The following VPS13B variants were observed in gnomAD, a reference collection of about 807,000 sequenced individuals.
VPS13B encodes the protein vacuolar protein sorting 13 homolog B.
VPS13B carries 285 observed loss-of-function variants against 426.4 expected under a neutral mutation model. The ratio of observed to expected loss-of-function variants is 0.67; its 90% confidence interval spans 0.61 to 0.74. The LOEUF (loss-of-function observed/expected upper bound fraction) is 0.74, where lower values mean the gene tolerates loss of function less well. VPS13B is among the 30% of genes least tolerant of loss of function. The probability of loss-of-function intolerance (pLI) is 0.00; values close to 1 mark genes in which losing one functional copy is unlikely to be tolerated. For synonymous variants in VPS13B, 1,676 were observed against 1,676.4 expected (o/e 1.00, Z 0.01); for missense variants, 4,537 against 4,782.6 (o/e 0.95, Z 1.51).
In VPS13B at chr8:99,696,322, G is replaced by C. The variant is rs145005325; in HGVS notation, c.6047-3203G>C. The C allele has an allele frequency of 1.3e-3, 322 of 246,240 alleles. 2 individuals are homozygous for C. The highest frequency in any genetic ancestry group is 2.0e-3 in the Non-Finnish European group (245 of 122,842). The allele number at this position is 246,240 out of a possible 1,614,324, so 15.3% of individuals were successfully genotyped here. ...AGAGGTGGTGGTGAATAAGTCGCTC[G>C]GGCAGAGGGAGCTGGATGAGCTGAA... is the stretch of plus-strand genomic sequence containing the variant. On this transcript the variant is annotated intron_variant, in intron 35 of 61. Coordinates refer to ENST00000357162, the MANE Select transcript of VPS13B (RefSeq NM_152564.5).
intron 33 of VPS13B, among the ~76,000 whole-genome samples, chr8:99,578,288 A>G (rs998503297): frequency 6.6e-6 from 1 of 152,092 alleles, no homozygotes; most frequent in African/African-American, 2.4e-5. Flanking sequence ...AGGTGAACAA[A>G]CTGTTTATAT....
chr8:99,869,954 C>T lies in VPS13B; in HGVS notation c.11393-831C>T, dbSNP rs144064724. Among the ~76,000 whole-genome samples, 374 of 152,368 alleles carry T rather than the reference C, an allele frequency of 2.5e-3. 1 individual carries two copies. The highest frequency in any genetic ancestry group is 4.0e-3 in the Non-Finnish European group (271 of 68,040). ...CTATGTGGCTGCTGCTGGGTGCCCT[C>T]ATTTGGTGCTGGCACCAGGGAGAGC... On this transcript the variant is annotated intron_variant, in intron 59 of 61. Coordinates refer to ENST00000357162, the MANE Select transcript of VPS13B (RefSeq NM_152564.5).
chr8:99,698,402 G>A (rs554237380), intron 35 of VPS13B, among the ~76,000 whole-genome samples: 11 of 152,260 alleles, frequency 7.2e-5, no homozygotes, highest in African/African-American at 2.6e-4. Context: ...TGTCAGCTGC[G>A]CCCACCCTCA....
chr8:99,431,166 T>C (rs1377310399), intron 21 of VPS13B, among the ~76,000 whole-genome samples: 1 of 152,238 alleles, frequency 6.6e-6, no homozygotes, highest in African/African-American at 2.4e-5. Context: ...AAAGATTTTA[T>C]TGATGTATTG....
At position 99,642,322 on chromosome 8, in the gene VPS13B, CTA is replaced by C. The variant is rs386834098; in HGVS notation, c.5734_5735del (p.Ile1912CysfsTer11). 3.7e-6 allele frequency: 6 copies of C among 1,614,184 alleles called. No homozygotes were observed. The East Asian group carries it at 1.3e-4, about 36-fold the overall frequency. The stretch of plus-strand genomic sequence containing the variant: ...TCTGCTAGACAAGCACTTGGTATAA[CTA>C]TTGTTCGGCAGCCTGGTCGAAGAGG... On this transcript the variant is annotated frameshift_variant, in exon 34 of 62. Coordinates refer to ENST00000357162, the MANE Select transcript of VPS13B (RefSeq NM_152564.5). LOFTEE classifies it high-confidence loss of function.
At chr8:99,038,679 CTTTTTTT>C (rs34774482) in intron 3 of VPS13B, 113 bp downstream of exon 3, 57 of 168,304 alleles carry the variant, frequency 3.4e-4, no homozygotes, top group South Asian at 8.3e-4. Context: ...AGCTTATATA[CTTTTTTT>C]TTTTTTTTTT....
At chr8:99,354,920 G>A (rs955423859) in intron 19 of VPS13B, among the ~76,000 whole-genome samples, 2 of 151,996 alleles carry the variant, frequency 1.3e-5, no homozygotes, top group Non-Finnish European at 2.9e-5. Flanking sequence ...TTTTAGCCTA[G>A]GGAGAGAAAA....
intron 40 of VPS13B, among the ~76,000 whole-genome samples, chr8:99,769,837 C>T (rs1217811795): frequency 6.6e-6 from 1 of 151,944 alleles, no homozygotes. Context: ...ACAGGGAGCC[C>T]CCAGTGCAAA....
chr8:99,028,115 TCCACACAGAC>T, intron 2 of VPS13B, among the ~76,000 whole-genome samples: 1 of 152,200 alleles, frequency 6.6e-6, no homozygotes. Context: ...TCTACTTCTC[TCCACACAGAC>T]CCGGCAACCA....
intron 8 of VPS13B, among the ~76,000 whole-genome samples, chr8:99,134,225 T>C (rs1018133514): frequency 1.3e-5 from 2 of 152,174 alleles, no homozygotes; most frequent in African/African-American, 4.8e-5. Context: ...TTCTTTTTTA[T>C]TTCAAATAGT....
chr8:99,292,492 A>G (rs1311818517), intron 19 of VPS13B, among the ~76,000 whole-genome samples: 8 of 152,150 alleles, frequency 5.3e-5, no homozygotes, highest in Admixed American at 5.2e-4. Flanking sequence ...AGATGTGATC[A>G]ATTTAATTAC....
intron 43 of VPS13B, among the ~76,000 whole-genome samples, chr8:99,807,267 A>T (rs1177217763): frequency 6.6e-6 from 1 of 152,244 alleles, no homozygotes; most frequent in Non-Finnish European, 1.5e-5. Context: ...AAAGCTGTGT[A>T]CACAGAGTGA....
At chr8:99,360,118 T>TTTTCTTTC (rs1812419830) in intron 19 of VPS13B, among the ~76,000 whole-genome samples, 5 of 123,334 alleles carry the variant, frequency 4.1e-5, no homozygotes, top group South Asian at 2.8e-4. Context: ...TTTTTTTTCC[T>TTTTCTTTC]TATCTTTCTT....
Position 99,501,699 on chromosome 8 carries a change from C to T in VPS13B, c.3883C>T (p.Gln1295Ter). 1 of 1,613,848 alleles carries T rather than the reference C, an allele frequency of 6.2e-7. No homozygotes were observed. The highest frequency in any genetic ancestry group is 8.5e-7 in the Non-Finnish European group (1 of 1,179,958). ...CTCCTCATCCCAGGGAGATTCTATA[C>T]AAGCAGGTGAGGAATCACCATTCTC... Reference protein sequence around the residue: ...IGTTTEGDSIQAGEESPFSDS... With the variant: ...IGTTTEGDSI The change falls in exon 26 of 62, where the codon CAA (glutamine) becomes TAA (stop). Residue 1295 changes from glutamine (Q) to a stop codon, truncating the protein, a stop_gained. Coordinates refer to ENST00000357162, the MANE Select transcript of VPS13B (RefSeq NM_152564.5). LOFTEE classifies it high-confidence loss of function.
At chr8:99,197,552 A>G (rs1814013855) in intron 17 of VPS13B, among the ~76,000 whole-genome samples, 2 of 152,006 alleles carry the variant, frequency 1.3e-5, no homozygotes, top group South Asian at 4.1e-4. Context: ...GAATTTATTA[A>G]TTTCTTTTAG....
chr8:99,140,368 C>CAAAA (rs5893482), intron 12 of VPS13B, among the ~76,000 whole-genome samples: 5 of 74,618 alleles, frequency 6.7e-5, no homozygotes, highest in African/African-American at 6.0e-5. Context: ...AGCTCTGTCT[C>CAAAA]AAAAAAAAAA....
intron 21 of VPS13B, among the ~76,000 whole-genome samples, chr8:99,404,026 G>A (rs769176635): frequency 2.0e-5 from 3 of 152,120 alleles, no homozygotes; most frequent in Non-Finnish European, 4.4e-5. Context: ...ATTACGATAT[G>A]TTTTTGTTGT....
At chr8:99,475,587 A>T (rs1819649398) in intron 24 of VPS13B, among the ~76,000 whole-genome samples, 1 of 152,232 alleles carries the variant, frequency 6.6e-6, no homozygotes, top group Non-Finnish European at 1.5e-5. Flanking sequence ...ACTTTGGCTC[A>T]AAACTAGAGT....
chr8:99,538,213 A>G (rs371747132), intron 30 of VPS13B, among the ~76,000 whole-genome samples: 15 of 152,316 alleles, frequency 9.8e-5, no homozygotes, highest in African/African-American at 3.6e-4. Context: ...AATTGCTGTC[A>G]GCAATATTAT....
Sources: allele counts gnomAD v4.1 joint callset (sites outside exome capture counted in the v4.1 genomes callset), GRCh38; gene constraint gnomAD v4.1.1; transcripts MANE v1.5; gene names NCBI Gene and HGNC (gene_info 2026-07-23, HGNC 2026-07-21).